TENM4: variants seen among roughly 807,000 people sequenced by gnomAD.
The protein encoded by TENM4 is teneurin-4.
TENM4 carries 82 observed loss-of-function variants against 243.3 expected under a neutral mutation model. The observed-to-expected ratio is 0.34, with a 90% confidence interval of 0.28 to 0.40. The LOEUF (loss-of-function observed/expected upper bound fraction) is 0.40. TENM4 is among the 10% of genes least tolerant of loss of function. The pLI, the probability that TENM4 is intolerant of heterozygous loss-of-function variation, is 1.00. For missense variants in TENM4, 3,138 were observed against 3,673.3 expected, an observed-to-expected ratio of 0.85 and a Z score of 3.77; for synonymous variants, 1,412 against 1,456.3, an observed-to-expected ratio of 0.97 and a Z score of 0.69.
At chr11:79,328,326 T>C (rs368449764) in intron 1 of TENM4, among the ~76,000 whole-genome samples, 3 of 152,178 alleles carry the variant, frequency 2.0e-5, no homozygotes, top group East Asian at 3.9e-4. Flanking sequence ...ACCCATGTTT[T>C]TGGGTCTCTA....
chr11:78,758,055 C>T (rs1856349662), intron 18 of TENM4, among the ~76,000 whole-genome samples: 2 of 152,182 alleles, frequency 1.3e-5, no homozygotes, highest in Admixed American at 1.3e-4. Context: ...GCTTAAAATA[C>T]ATAACAAAGA....
At chr11:78,815,958 C>G (rs1339342159) in intron 12 of TENM4, among the ~76,000 whole-genome samples, 3 of 152,172 alleles carry the variant, frequency 2.0e-5, no homozygotes. Context: ...GGAACTTATT[C>G]CACAGCAGAA....
intron 2 of TENM4, among the ~76,000 whole-genome samples, chr11:79,235,315 C>CA (rs201184142): frequency 0.015 from 2,168 of 148,906 alleles, 64 homozygotes; most frequent in African/African-American, 0.052. Flanking sequence ...ACTCCGTCTC[C>CA]AAAAAAAAAT....
chr11:78,837,499 C>T (rs1167266599), intron 12 of TENM4, among the ~76,000 whole-genome samples: 1 of 152,122 alleles, frequency 6.6e-6, no homozygotes, highest in Non-Finnish European at 1.5e-5. Context: ...TTTGAAGCAC[C>T]ACATCAGGCT....
At chr11:79,056,569 C>G (rs1231531059) in intron 6 of TENM4, among the ~76,000 whole-genome samples, 3 of 151,928 alleles carry the variant, frequency 2.0e-5, no homozygotes, top group African/African-American at 7.3e-5. Flanking sequence ...TTCACTAAGG[C>G]AGCTTGAGGC....
At chr11:79,006,393 C>T (rs921478773) in intron 6 of TENM4, among the ~76,000 whole-genome samples, 2 of 152,098 alleles carry the variant, frequency 1.3e-5, no homozygotes, top group African/African-American at 2.4e-5. Context: ...CTATGATATA[C>T]GCAGATCTAA....
intron 6 of TENM4, among the ~76,000 whole-genome samples, chr11:78,966,770 C>G (rs935864985): frequency 1.3e-5 from 2 of 152,290 alleles, no homozygotes; most frequent in Admixed American, 1.3e-4. Context: ...TCTGTCTCCC[C>G]ACCTGTCCCC....
chr11:79,253,313 G>A (rs1471257252), intron 2 of TENM4, among the ~76,000 whole-genome samples: 1 of 152,166 alleles, frequency 6.6e-6, no homozygotes, highest in Non-Finnish European at 1.5e-5. Flanking sequence ...TTCCCAAAGA[G>A]GCTATTTTCC....
intron 1 of TENM4, among the ~76,000 whole-genome samples, chr11:79,298,296 A>C (rs1404877727): frequency 1.3e-5 from 2 of 151,986 alleles, no homozygotes; most frequent in East Asian, 1.9e-4. Flanking sequence ...CGGGTGGATC[A>C]TGAGGTCAGG....
intron 2 of TENM4, among the ~76,000 whole-genome samples, chr11:79,240,093 A>G (rs192558433): frequency 3.5e-4 from 54 of 152,212 alleles, no homozygotes; most frequent in African/African-American, 1.2e-3. Context: ...TTGCTATTTA[A>G]TAGCTGTGTG....
intron 24 of TENM4, among the ~76,000 whole-genome samples, chr11:78,721,269 G>A (rs2135838648): frequency 6.6e-6 from 1 of 152,344 alleles, no homozygotes; most frequent in South Asian, 2.1e-4. Context: ...ATATTCCCCT[G>A]GTGGTCCTCT....
chr11:79,321,794 G>GT (rs1565298601), intron 1 of TENM4, among the ~76,000 whole-genome samples: 2 of 152,162 alleles, frequency 1.3e-5, no homozygotes, highest in African/African-American at 2.4e-5. Flanking sequence ...ATCTTAGCTA[G>GT]TTTGGGTCAG....
chr11:78,887,697 A>G (rs1395951258), intron 9 of TENM4, among the ~76,000 whole-genome samples: 1 of 152,206 alleles, frequency 6.6e-6, no homozygotes, highest in Non-Finnish European at 1.5e-5. Context: ...CAGAGAGCTC[A>G]CTAATTCCCA....
chr11:78,978,084 C>A lies in TENM4; in HGVS notation c.494-74561G>T, dbSNP rs2852249. Among the ~76,000 whole-genome samples, 1,387 of 152,188 alleles carry A rather than the reference C, an allele frequency of 9.1e-3. 29 individuals are homozygous for A. Among genetic ancestry groups the A allele is most frequent in the African/African-American group, 0.032 (1,312 of 41,496 alleles). ...ATGGATGAAGCTGGAAATCGTCTTT[C>A]TCAGCAAACTAACACAGGAACAGAA... On this transcript the variant is annotated intron_variant, in intron 6 of 33. Transcript: ENST00000278550.
intron 1 of TENM4, among the ~76,000 whole-genome samples, chr11:79,300,095 G>A (rs368465206): frequency 7.9e-5 from 12 of 152,056 alleles, no homozygotes; most frequent in African/African-American, 2.9e-4. Context: ...TTCCCTCAGG[G>A]CAACACTTCT....
In TENM4 at chr11:78,899,563, G is replaced by GGA. The variant is rs1555098931; in HGVS notation, c.749+3704_749+3705insTC. Among the ~76,000 whole-genome samples the GGA allele has an allele frequency of 1.0e-4, 14 of 136,208 alleles. 2 individuals carry two copies. The highest frequency in any genetic ancestry group is 1.8e-4 in the Non-Finnish European group (11 of 62,820). 89.4% of individuals were successfully genotyped at this position (136,208 alleles called of 152,430 possible). ...ACTGCACTCTGTCTCAAAAAGCGGG[G>GGA]GGGGGGGGAAAAAGAAAAAAGAAAG... On this transcript the variant is annotated intron_variant, in intron 7 of 33. Coordinates refer to ENST00000278550, the MANE Select transcript of TENM4 (RefSeq NM_001098816.3).
chr11:79,065,148 T>C, intron 5 of TENM4, 141 bp from the exon 6 acceptor site: 1 of 1,306,352 alleles, frequency 7.7e-7, no homozygotes, highest in Non-Finnish European at 9.9e-7. Context: ...ATGCCTTTGT[T>C]CAAGTGATTG....
chr11:78,892,690 T>C (rs1001308899), intron 7 of TENM4, among the ~76,000 whole-genome samples: 6 of 152,238 alleles, frequency 3.9e-5, no homozygotes, highest in Non-Finnish European at 8.8e-5. Context: ...ATATTATTTA[T>C]TGTTCCAGAA....
chr11:79,238,690 G>A (rs1409682837), intron 2 of TENM4, among the ~76,000 whole-genome samples: 1 of 151,666 alleles, frequency 6.6e-6, no homozygotes, highest in South Asian at 2.1e-4. Flanking sequence ...CTCTCCTGTT[G>A]GTTCTGTTTT....
Sources: gnomAD v4.1 joint callset for allele counts (sites outside exome capture counted in the v4.1 genomes callset) on GRCh38, gnomAD v4.1.1 for gene constraint, MANE v1.5 for transcripts, NCBI Gene and HGNC (gene_info 2026-07-23, HGNC 2026-07-21) for gene names.